Variants in PKN2 observed in about 807,000 individuals in gnomAD.
PKN2 encodes the protein protein kinase N2.
In PKN2, 38 loss-of-function variants were observed where a neutral mutation model predicts 119.1. The observed-to-expected ratio is 0.32, with a 90% CI of 0.25 to 0.42. The LOEUF is 0.42. Among genes scored for constraint, PKN2 ranks in the 10% least tolerant of loss-of-function variants. The probability of loss-of-function intolerance (pLI) is 1.00; values close to 1 mark genes in which losing one functional copy is unlikely to be tolerated. For missense variants in PKN2, 850 were observed against 1,165.1 expected (o/e 0.73, Z 3.94); for synonymous variants, 390 against 384.9 (o/e 1.01, Z -0.15).
chr1:88,690,334 A>G (rs1188953937), intron 1 of PKN2, among the ~76,000 whole-genome samples: 1 of 152,230 alleles, frequency 6.6e-6, no homozygotes, highest in African/African-American at 2.4e-5. Context: ...ACCTAAAATA[A>G]TGTTACTTTC....
At chr1:88,711,749 G>A (rs1667242820) in intron 1 of PKN2, among the ~76,000 whole-genome samples, 2 of 152,146 alleles carry the variant, frequency 1.3e-5, no homozygotes, top group South Asian at 4.1e-4. Context: ...GTAGAGAGGT[G>A]AAATCTCTGG....
intron 18 of PKN2, among the ~76,000 whole-genome samples, chr1:88,827,419 A>G (rs1178538022): frequency 6.6e-6 from 1 of 151,984 alleles, no homozygotes. Context: ...TATATGTTTC[A>G]TATATACCTT....
chr1:88,745,528 G>A (rs923648792), intron 2 of PKN2, among the ~76,000 whole-genome samples: 10 of 151,990 alleles, frequency 6.6e-5, no homozygotes, highest in Non-Finnish European at 1.0e-4. Context: ...TAAAACATAC[G>A]TAGTAAATTT....
At chr1:88,774,620 G>T (rs569604106) in intron 6 of PKN2, among the ~76,000 whole-genome samples, 12 of 151,876 alleles carry the variant, frequency 7.9e-5, no homozygotes, top group African/African-American at 2.4e-4. Context: ...TCATTTTGCG[G>T]GTTTTTTTTT....
intron 3 of PKN2, among the ~76,000 whole-genome samples, chr1:88,763,630 A>C (rs1669537750): frequency 1.3e-5 from 2 of 151,684 alleles, no homozygotes; most frequent in Non-Finnish European, 2.9e-5. Context: ...AAAAAAAGAA[A>C]GTTCACATCC....
chr1:88,806,360 G>A (rs892797908), intron 12 of PKN2: 48 of 266,322 alleles, frequency 1.8e-4, no homozygotes, highest in Middle Eastern at 2.8e-3. Flanking sequence ...AGTAGAGATG[G>A]GATTTCATTA....
intron 1 of PKN2, among the ~76,000 whole-genome samples, chr1:88,694,241 C>G (rs1666441401): frequency 6.6e-6 from 1 of 152,104 alleles, no homozygotes; most frequent in Non-Finnish European, 1.5e-5. Context: ...AATAGTGTCC[C>G]TGCACTAAGC....
intron 2 of PKN2, among the ~76,000 whole-genome samples, chr1:88,759,269 A>G (rs113392239): frequency 0.02 from 3,111 of 152,298 alleles, 68 homozygotes; most frequent in South Asian, 0.069. Flanking sequence ...AGGCTGAGGC[A>G]GGAGAATCGC....
chr1:88,690,473 T>G (rs1414365673), intron 1 of PKN2, among the ~76,000 whole-genome samples: 1 of 152,238 alleles, frequency 6.6e-6, no homozygotes, highest in Non-Finnish European at 1.5e-5. Flanking sequence ...ATATGACATT[T>G]AATATGATCA....
intron 1 of PKN2, among the ~76,000 whole-genome samples, chr1:88,728,850 A>AC (rs1668006359): frequency 1.3e-5 from 2 of 151,198 alleles, no homozygotes; most frequent in South Asian, 4.2e-4. Context: ...TTTTCCCCCC[A>AC]CAAGTCTATA....
chr1:88,691,108 G>A (rs1348976830), intron 1 of PKN2, among the ~76,000 whole-genome samples: 1 of 152,074 alleles, frequency 6.6e-6, no homozygotes, highest in Admixed American at 6.6e-5. Flanking sequence ...CTGTCACCCA[G>A]CTTGAAGTGC....
intron 2 of PKN2, among the ~76,000 whole-genome samples, chr1:88,754,399 CAG>C (rs1461976272): frequency 6.6e-6 from 1 of 152,070 alleles, no homozygotes; most frequent in Non-Finnish European, 1.5e-5. Context: ...AGAGGAAAAA[CAG>C]ATGTGAAAAC....
chr1:88,819,042 A>ACTTG (rs1672135010), intron 16 of PKN2, among the ~76,000 whole-genome samples: 1 of 151,950 alleles, frequency 6.6e-6, no homozygotes, highest in Admixed American at 6.5e-5. Flanking sequence ...AGATGGATTA[A>ACTTG]AGACTTGAAC....
intron 1 of PKN2, among the ~76,000 whole-genome samples, chr1:88,730,191 A>G (rs1416632953): frequency 1.3e-5 from 2 of 152,132 alleles, no homozygotes; most frequent in Non-Finnish European, 2.9e-5. Flanking sequence ...CAGTCTTTAT[A>G]TGGCCTACAG....
At chr1:88,686,325 A>G (rs1375681525) in intron 1 of PKN2, among the ~76,000 whole-genome samples, 1 of 152,112 alleles carries the variant, frequency 6.6e-6, no homozygotes, top group Non-Finnish European at 1.5e-5. Flanking sequence ...TATGTTATAG[A>G]AAGTTGGCAT....
intron 1 of PKN2, among the ~76,000 whole-genome samples, chr1:88,690,558 A>T (rs188692125): frequency 9.2e-5 from 14 of 152,354 alleles, no homozygotes; most frequent in Non-Finnish European, 1.9e-4. Flanking sequence ...AAGATTTAAA[A>T]TTTAGAGTGG....
Position 88,698,043 on chromosome 1 carries a change from C to CT in PKN2, c.48+13418dup, listed in dbSNP as rs534458863. Reference sequence around the variant, plus strand: ...ATCTTCATCATTTACCCCTTTAGCCCTTTAGTCCTGAAGAAAGTAGCTTGC... The same window carrying CT: ...ATCTTCATCATTTACCCCTTTAGCCCTTTTAGTCCTGAAGAAAGTAGCTTGC... On this transcript the variant is annotated intron_variant, in intron 1 of 21. Transcript: ENST00000370521. Among the ~76,000 whole-genome samples the CT allele has an allele frequency of 2.4e-3, 368 of 152,196 alleles. 2 individuals carry two copies. The highest frequency in any genetic ancestry group is 8.3e-3 in the African/African-American group (346 of 41,534).
intron 1 of PKN2, among the ~76,000 whole-genome samples, chr1:88,735,808 C>T (rs1299805219): frequency 6.6e-6 from 1 of 152,020 alleles, no homozygotes; most frequent in African/African-American, 2.4e-5. Context: ...TCTTGGGGTA[C>T]ACTTATTTGG....
intron 3 of PKN2, among the ~76,000 whole-genome samples, chr1:88,763,389 G>A (rs1027499916): frequency 2.0e-5 from 3 of 152,082 alleles, no homozygotes; most frequent in Non-Finnish European, 2.9e-5. Context: ...AGGTGGATCA[G>A]CTGAGGTCGG....
Sources: gnomAD v4.1 joint callset for allele counts (sites outside exome capture counted in the v4.1 genomes callset) on GRCh38, gnomAD v4.1.1 for gene constraint, MANE v1.5 for transcripts, NCBI Gene and HGNC (gene_info 2026-07-23, HGNC 2026-07-21) for gene names.